Variants in LHFPL3 observed in about 807,000 individuals in gnomAD.
LHFPL3 encodes the protein LHFPL tetraspan subfamily member 3, also known as LHFPL tetraspan subfamily member 3 protein.
LHFPL3 carries 5 observed loss-of-function variants against 19.3 expected under a neutral mutation model. The observed-to-expected ratio is 0.26, with a 90% CI of 0.14 to 0.54. The LOEUF is 0.54. LHFPL3 is among the 20% of genes least tolerant of loss of function. The probability of loss-of-function intolerance (pLI) is 0.94; values close to 1 mark genes in which losing one functional copy is unlikely to be tolerated. For synonymous variants in LHFPL3, 133 were observed against 126.2 expected, an observed-to-expected ratio of 1.05 and a Z score of -0.36; for missense variants, 249 against 307.4, an observed-to-expected ratio of 0.81 and a Z score of 1.42.
intron 1 of LHFPL3, among the ~76,000 whole-genome samples, chr7:104,615,421 A>G (rs1791313355): frequency 6.6e-6 from 1 of 152,230 alleles, no homozygotes; most frequent in Non-Finnish European, 1.5e-5. Flanking sequence ...TCTCAAGTCT[A>G]GCCTTAGACT....
intron 1 of LHFPL3, among the ~76,000 whole-genome samples, chr7:104,513,202 A>C (rs1450880682): frequency 6.6e-6 from 1 of 152,220 alleles, no homozygotes; most frequent in African/African-American, 2.4e-5. Flanking sequence ...AGAAGATTGA[A>C]ATACCCAGAT....
chr7:104,594,931 C>T (rs1220262369), intron 1 of LHFPL3, among the ~76,000 whole-genome samples: 1 of 152,162 alleles, frequency 6.6e-6, no homozygotes, highest in Non-Finnish European at 1.5e-5. Flanking sequence ...TCTAGTTAGC[C>T]ATTCGTCTAA....
At chr7:104,720,091 C>T (rs1029217919) in intron 1 of LHFPL3, among the ~76,000 whole-genome samples, 1 of 152,096 alleles carries the variant, frequency 6.6e-6, no homozygotes, top group Non-Finnish European at 1.5e-5. Flanking sequence ...AAAGGACTTA[C>T]TAGTCTGCAC....
At position 104,623,477 on chromosome 7, in the gene LHFPL3, A is replaced by G. The variant is rs138702759; in HGVS notation, c.446-113198A>G. On this transcript the variant is annotated intron_variant, in intron 1 of 2. Transcript: ENST00000424859. Reference sequence around the variant, plus strand: ...AAACCCTGTCTCTACTAAAAATACAAAAACTAGCCGGGCATGGTGGTGCAT... The same window carrying G: ...AAACCCTGTCTCTACTAAAAATACAGAAACTAGCCGGGCATGGTGGTGCAT... Among the ~76,000 whole-genome samples, 614 of 123,532 alleles carry G rather than the reference A, an allele frequency of 5.0e-3. 35 individuals carry two copies. In the East Asian group the frequency reaches 0.12, roughly 24 times the overall value. The allele number at this position is 123,532 out of a possible 152,430, so 81.0% of individuals were successfully genotyped here.
In LHFPL3 at chr7:104,908,332, G is replaced by A. The variant is rs1792658593; in HGVS notation, c.*2117G>A. 6.6e-6 allele frequency among the ~76,000 whole-genome samples: 1 copy of A among 151,792 alleles called. No individual in the cohort carries two copies. Among genetic ancestry groups the A allele is most frequent in the Non-Finnish European group, 1.5e-5 (1 of 67,962 alleles). ...TTGACGATGTACCATTTGTATATAG[G>A]TAATACACATGTAAATCACTAATTG... is the stretch of plus-strand genomic sequence containing the variant. On this transcript the variant is annotated 3_prime_UTR_variant, in exon 3 of 3. Coordinates refer to ENST00000424859, the MANE Select transcript of LHFPL3 (RefSeq NM_199000.3).
chr7:104,585,287 T>C (rs894430568), intron 1 of LHFPL3, among the ~76,000 whole-genome samples: 2 of 152,066 alleles, frequency 1.3e-5, no homozygotes, highest in African/African-American at 2.4e-5. Context: ...AAAACCTCCT[T>C]ATAACCAACT....
At chr7:104,557,223 A>G (rs1215737677) in intron 1 of LHFPL3, among the ~76,000 whole-genome samples, 1 of 152,162 alleles carries the variant, frequency 6.6e-6, no homozygotes, top group Non-Finnish European at 1.5e-5. Flanking sequence ...TACTGGTACC[A>G]ATTTACTGTG....
intron 2 of LHFPL3, among the ~76,000 whole-genome samples, chr7:104,819,470 T>C (rs1280283648): frequency 6.6e-6 from 1 of 152,124 alleles, no homozygotes; most frequent in Admixed American, 6.5e-5. Flanking sequence ...ATTCTGACCC[T>C]TGTTTCTGAA....
At chr7:104,801,848 A>C (rs904748884) in intron 2 of LHFPL3, among the ~76,000 whole-genome samples, 5 of 152,150 alleles carry the variant, frequency 3.3e-5, no homozygotes, top group Middle Eastern at 3.4e-3. Flanking sequence ...GGGATTACAG[A>C]TGTCAGCCAC....
chr7:104,804,190 GT>G (rs770314492), intron 2 of LHFPL3: 9 of 152,210 alleles, frequency 5.9e-5, no homozygotes, highest in Non-Finnish European at 1.2e-4. Flanking sequence ...TGGGTCACAT[GT>G]GCATCTGTAA....
intron 2 of LHFPL3, among the ~76,000 whole-genome samples, chr7:104,834,019 T>G (rs1210346197): frequency 6.7e-6 from 1 of 149,932 alleles, no homozygotes; most frequent in African/African-American, 2.5e-5. Flanking sequence ...AGTCCGATGT[T>G]TGAGGGCAGG....
At chr7:104,852,147 T>C (rs1458268350) in intron 2 of LHFPL3, among the ~76,000 whole-genome samples, 1 of 152,100 alleles carries the variant, frequency 6.6e-6, no homozygotes, top group Non-Finnish European at 1.5e-5. Flanking sequence ...CAGCATTAAC[T>C]GCTGAAGCCA....
At chr7:104,838,716 G>A (rs1482863909) in intron 2 of LHFPL3, among the ~76,000 whole-genome samples, 1 of 152,152 alleles carries the variant, frequency 6.6e-6, no homozygotes, top group East Asian at 1.9e-4. Flanking sequence ...GACACATGTG[G>A]CTTTTGAGTG....
chr7:104,468,961 G>A (rs1450288926), intron 1 of LHFPL3, among the ~76,000 whole-genome samples: 1 of 152,122 alleles, frequency 6.6e-6, no homozygotes, highest in Non-Finnish European at 1.5e-5. Context: ...GCACGGCCTT[G>A]TGCAAACCTT....
intron 2 of LHFPL3, among the ~76,000 whole-genome samples, chr7:104,891,380 A>C (rs1562827426): frequency 6.6e-6 from 1 of 152,116 alleles, no homozygotes; most frequent in Non-Finnish European, 1.5e-5. Context: ...ACTGGAAAGC[A>C]GGCTGAATAT....
rs951050162 is a variant in LHFPL3, at chr7:104,830,356, T to G, written c.683-75831T>G. ...TTTAATTAGATCCCATTTGTCAATT[T>G]TGGCTTTTGTTGCCATTGCTTTTGG... On this transcript the variant is annotated intron_variant, in intron 2 of 2. Coordinates refer to ENST00000424859, the MANE Select transcript of LHFPL3 (RefSeq NM_199000.3). Among the ~76,000 whole-genome samples, 339 of 151,984 alleles carry G rather than the reference T, an allele frequency of 2.2e-3. 12 individuals are homozygous for G. Among genetic ancestry groups the G allele is most frequent in the African/African-American group, 8.0e-3 (330 of 41,322 alleles).
In LHFPL3 at chr7:104,734,769, G is replaced by A. The variant is rs142581753; in HGVS notation, c.446-1906G>A. On this transcript the variant is annotated intron_variant, in intron 1 of 2. Transcript: ENST00000424859. The stretch of plus-strand genomic sequence containing the variant: ...TGTTCCGTTGCTGGTGAGGAGCTGC[G>A]TTCCTTTGGAGGAGGAGAGGTGCTC... 4.3e-3 allele frequency among the ~76,000 whole-genome samples: 657 copies of A among 152,292 alleles called. 25 individuals are homozygous for A. In the East Asian group the frequency reaches 0.092, roughly 21 times the overall value.
intron 1 of LHFPL3, among the ~76,000 whole-genome samples, chr7:104,554,596 A>T (rs189612875): frequency 6.6e-6 from 1 of 152,294 alleles, no homozygotes; most frequent in Admixed American, 6.5e-5. Flanking sequence ...TATATTAGTC[A>T]GAATTCCCCA....
intron 1 of LHFPL3, among the ~76,000 whole-genome samples, chr7:104,614,296 G>C (rs111356172): frequency 1.1e-3 from 170 of 152,206 alleles, no homozygotes; most frequent in African/African-American, 4.0e-3. Flanking sequence ...GAGTTTCTAA[G>C]AATTTGACTG....
Sources: allele counts gnomAD v4.1 joint callset (sites outside exome capture counted in the v4.1 genomes callset), GRCh38; gene constraint gnomAD v4.1.1; transcripts MANE v1.5; gene names NCBI Gene and HGNC (gene_info 2026-07-23, HGNC 2026-07-21).